ANP32E: variants seen among roughly 807,000 people sequenced by gnomAD.
ANP32E encodes the protein acidic leucine-rich nuclear phosphoprotein 32 family member E.
A neutral mutation model predicts 35.3 loss-of-function variants in ANP32E; 14 were observed. The ratio of observed to expected loss-of-function variants is 0.40; its 90% CI spans 0.26 to 0.62. The LOEUF is 0.62. Among genes scored for constraint, ANP32E ranks in the 20% least tolerant of loss-of-function variants. The probability of loss-of-function intolerance (pLI) is 0.45; values close to 1 mark genes in which losing one functional copy is unlikely to be tolerated. For missense variants in ANP32E, 198 were observed against 304.4 expected (o/e 0.65, Z 2.60); for synonymous variants, 89 against 110.4 (o/e 0.81, Z 1.22).
intron 6 of ANP32E, among the ~76,000 whole-genome samples, chr1:150,221,604 G>GGAAAGGAAGGAAGGAAGGAAGGAA (rs1559994099): frequency 2.7e-5 from 1 of 36,866 alleles, no homozygotes; most frequent in African/African-American, 1.8e-4. Flanking sequence ...GAGGGAGGGA[G>GGAAAGGAAGGAAGGAAGGAAGGAA]GGAAGGAAGG....
intron 4 of ANP32E, among the ~76,000 whole-genome samples, chr1:150,227,185 T>C (rs1432366997): frequency 6.6e-6 from 1 of 152,128 alleles, no homozygotes; most frequent in Non-Finnish European, 1.5e-5. Flanking sequence ...GAAAAGCAGT[T>C]TGGAAATTTC....
chr1:150,227,206 A>G (rs1435084478), intron 4 of ANP32E, among the ~76,000 whole-genome samples: 1 of 152,228 alleles, frequency 6.6e-6, no homozygotes, highest in Non-Finnish European at 1.5e-5. Flanking sequence ...TCAAAGAACT[A>G]AAATACAACT....
At chr1:150,233,584 A>C (rs1553842480) in intron 1 of ANP32E, among the ~76,000 whole-genome samples, 1 of 152,148 alleles carries the variant, frequency 6.6e-6, no homozygotes, top group Non-Finnish European at 1.5e-5. Flanking sequence ...CTATTAGGTA[A>C]GAGTTGTAGT....
chr1:150,234,174 C>T (rs942408792), intron 1 of ANP32E, among the ~76,000 whole-genome samples: 2 of 151,798 alleles, frequency 1.3e-5, no homozygotes, highest in Non-Finnish European at 2.9e-5. Context: ...GAAATTACTA[C>T]AATCACTAAG....
In ANP32E at chr1:150,226,866, A is replaced by G; in HGVS notation, c.494-71T>C. ...TCTTCCTAGGATGTTGATGCTTTTT[A>G]CCCTTGCCCAATCACTTCAAACTTG... On this transcript the variant is annotated intron_variant, in intron 4 of 6. Transcript: ENST00000583931. 10 of 1,508,936 alleles carry G rather than the reference A, an allele frequency of 6.6e-6. No individual in the cohort carries two copies. The South Asian group carries it at 1.2e-4, about 18-fold the overall frequency. 93.5% of individuals were successfully genotyped at this position (1,508,936 alleles called of 1,614,324 possible).
rs1245289124 is a variant in ANP32E, at chr1:150,236,057, C to CACACAT, written c.-277_-272dup. ...ACGCACGCGCGCACACACATACACA[C>CACACAT]ACACATACACACACACACCCGCAGT... is the stretch of plus-strand genomic sequence containing the variant. On this transcript the variant is annotated 5_prime_UTR_variant, in exon 1 of 7. In the 5' UTR this introduces an upstream ATG that the reference lacks. Coordinates refer to ENST00000583931, the MANE Select transcript of ANP32E (RefSeq NM_030920.5). 4 of 416,154 alleles carry CACACAT rather than the reference C, an allele frequency of 9.6e-6. No individual in the cohort carries two copies. The highest frequency in any genetic ancestry group is 1.7e-5 in the Non-Finnish European group (4 of 229,118). 25.8% of individuals were successfully genotyped at this position (416,154 alleles called of 1,614,324 possible).
intron 5 of ANP32E, among the ~76,000 whole-genome samples, chr1:150,223,848 C>A (rs1648650214): frequency 6.6e-6 from 1 of 151,370 alleles, no homozygotes; most frequent in East Asian, 2.0e-4. Flanking sequence ...CGGGTTCAAG[C>A]GATTCTCCTG....
intron 6 of ANP32E, among the ~76,000 whole-genome samples, 198 bp from the exon 7 acceptor site, chr1:150,220,959 A>G (rs1370246228): frequency 6.6e-6 from 1 of 152,004 alleles, no homozygotes; most frequent in Non-Finnish European, 1.5e-5. Context: ...TCTACTAAAA[A>G]TACAAAAAAT....
chr1:150,223,469 T>A (rs1211611217), intron 5 of ANP32E, among the ~76,000 whole-genome samples: 1 of 151,876 alleles, frequency 6.6e-6, no homozygotes, highest in Non-Finnish European at 1.5e-5. Flanking sequence ...TGACCTGAGG[T>A]CAGGAGTTCC....
intron 2 of ANP32E, among the ~76,000 whole-genome samples, chr1:150,231,083 A>G (rs1649313762): frequency 6.6e-6 from 1 of 152,178 alleles, no homozygotes; most frequent in South Asian, 2.1e-4. Context: ...AAGAAAAAAA[A>G]CTGTCATTCT....
At chr1:150,226,468 A>G (rs1648883431) in intron 5 of ANP32E, 140 bp downstream of exon 5, 1 of 940,184 alleles carries the variant, frequency 1.1e-6, no homozygotes, top group Non-Finnish European at 1.5e-6. Context: ...GAGGACAATG[A>G]AAAAAAAGAC....
rs1649279147 is a variant in ANP32E at position 150,230,634 on chromosome 1, T to C, written c.264A>G (p.Pro88=). Residue 88 remains proline, a synonymous_variant, in exon 3 of 7, where the codon CCA becomes CCG. Coordinates refer to ENST00000583931, the MANE Select transcript of ANP32E (RefSeq NM_030920.5). ...GGLEVLAEKC[P]NLTYLNLSGN... ...CACTCAGATTGAGGTAGGTAAGATT[T>C]GGACATTTCTCTGCCAGGACTTCCA... 1.2e-6 allele frequency: 2 copies of C among 1,613,538 alleles called. No individual in the cohort carries two copies. Among genetic ancestry groups the C allele is most frequent in the South Asian group, 1.1e-5 (1 of 91,070 alleles).
At chr1:150,221,297 G>C (rs148312950) in intron 6 of ANP32E, among the ~76,000 whole-genome samples, 3,136 of 150,004 alleles carry the variant, frequency 0.021, 126 homozygotes, top group African/African-American at 0.071. Context: ...AAATCAGCTG[G>C]GTATGGTGGC....
rs782220151 is a variant in ANP32E at position 150,220,415 on chromosome 1, C to T, written c.*276G>A. The T allele has an allele frequency of 3.1e-6, 1 of 326,144 alleles. No homozygotes were observed. Among genetic ancestry groups the T allele is most frequent in the Non-Finnish European group, 5.8e-6 (1 of 173,724 alleles). The allele number at this position is 326,144 out of a possible 1,614,324, so 20.2% of individuals were successfully genotyped here. On this transcript the variant is annotated 3_prime_UTR_variant, in exon 7 of 7. Coordinates refer to ENST00000583931, the MANE Select transcript of ANP32E (RefSeq NM_030920.5). ...TGTTTTAATTATGGGCTAAAAATGA[C>T]TAATACAGTAAGCTTGAATTTAAAA...
chr1:150,221,088 C>A (rs1437869952), intron 6 of ANP32E, among the ~76,000 whole-genome samples: 2 of 113,662 alleles, frequency 1.8e-5, no homozygotes, highest in African/African-American at 6.9e-5. Flanking sequence ...GCACTCCAGC[C>A]TGGGCAACCG....
At chr1:150,232,489 T>TTTTTTG (rs1477799667) in intron 1 of ANP32E, among the ~76,000 whole-genome samples, 3 of 125,296 alleles carry the variant, frequency 2.4e-5, no homozygotes, top group Admixed American at 8.3e-5. Context: ...TTTTTTTTTG[T>TTTTTTG]AGATGGAGTC....
chr1:150,230,688 C>G lies in ANP32E; in HGVS notation c.210G>C (p.Glu70Asp). The G allele has an allele frequency of 6.3e-7, 1 of 1,592,294 alleles. No individual in the cohort carries two copies. Among genetic ancestry groups the G allele is most frequent in the Non-Finnish European group, 8.5e-7 (1 of 1,174,548 alleles). Residue 70 changes from glutamate (E) to aspartate (D), a missense_variant, in exon 3 of 7, where the codon GAG becomes GAC. Glu to Asp is a conservative substitution (Grantham distance 45). Transcript: ENST00000583931. ...CTCCAGAAATTATATTATCACTAAG[C>G]TCCAACTATACATTCAACAAAGGAA... ...LPSLNKLRKL[E>D]LSDNIISGGL...
intron 4 of ANP32E, among the ~76,000 whole-genome samples, chr1:150,228,031 A>G (rs182480646): frequency 1.3e-3 from 196 of 151,564 alleles, no homozygotes; most frequent in African/African-American, 4.6e-3. Flanking sequence ...TTCTGTCTCA[A>G]TGGATTTGCC....
chr1:150,229,145 C>T lies in ANP32E; in HGVS notation c.420G>A (p.Gln140=), dbSNP rs144939904. Residue 140 remains glutamine, a synonymous_variant, in exon 4 of 7, where the codon CAG becomes CAA. Coordinates refer to ENST00000583931, the MANE Select transcript of ANP32E (RefSeq NM_030920.5). Reference sequence around the variant, plus strand: ...CAAATCCATCTAAGTATGTGATTTGCTGCAGTAGTTCAAAAATACTTTCTC... The same window carrying T: ...CAAATCCATCTAAGTATGTGATTTGTTGCAGTAGTTCAAAAATACTTTCTC... ...DYRESIFELL[Q]QITYLDGFDQ... 4.6e-4 allele frequency: 747 copies of T among 1,613,330 alleles called. 6 individuals are homozygous for T. Among genetic ancestry groups the T allele is most frequent in the Middle Eastern group, 3.3e-3 (20 of 6,062 alleles).
Sources: gnomAD v4.1 joint callset for allele counts (sites outside exome capture counted in the v4.1 genomes callset) on GRCh38, gnomAD v4.1.1 for gene constraint, MANE v1.5 for transcripts, NCBI Gene and HGNC (gene_info 2026-07-23, HGNC 2026-07-21) for gene names.